The following CPNE8 variants were observed in gnomAD, a reference collection of about 807,000 sequenced individuals.
CPNE8 encodes copine-8.
Under a neutral mutation model 81.5 loss-of-function variants are expected in CPNE8, and 45 were observed. The ratio of observed to expected loss-of-function variants is 0.55; its 90% confidence interval spans 0.44 to 0.71. CPNE8 has a LOEUF of 0.71. Among genes scored for constraint, CPNE8 ranks in the 30% least tolerant of loss-of-function variants. The probability of loss-of-function intolerance (pLI) is 0.00; values close to 1 mark genes in which losing one functional copy is unlikely to be tolerated. For missense variants in CPNE8, 594 were observed against 672.1 expected, an observed-to-expected ratio of 0.88 and a Z score of 1.28; for synonymous variants, 252 against 226.3, an observed-to-expected ratio of 1.11 and a Z score of -1.02.
intron 6 of CPNE8, among the ~76,000 whole-genome samples, chr12:38,822,245 A>G (rs1319530139): frequency 2.6e-5 from 4 of 152,218 alleles, no homozygotes. Context: ...ATAAAACCCA[A>G]ACTAATGAAA....
At chr12:38,789,091 G>T (rs1180005950) in intron 6 of CPNE8, among the ~76,000 whole-genome samples, 2 of 151,542 alleles carry the variant, frequency 1.3e-5, no homozygotes, top group African/African-American at 2.4e-5. Context: ...CACATAAATA[G>T]GAAAAACAAT....
intron 19 of CPNE8, among the ~76,000 whole-genome samples, chr12:38,662,383 T>A (rs1324109429): frequency 2.0e-5 from 3 of 151,918 alleles, no homozygotes; most frequent in Admixed American, 6.6e-5. Flanking sequence ...GAAAAAGAAA[T>A]CAAGAAAGCA....
At chr12:38,722,642 T>A (rs545282864) in intron 13 of CPNE8, among the ~76,000 whole-genome samples, 1 of 152,184 alleles carries the variant, frequency 6.6e-6, no homozygotes, top group African/African-American at 2.4e-5. Flanking sequence ...CATTCAAATT[T>A]GCTTCACTCC....
chr12:38,891,699 G>A (rs1338334349), intron 1 of CPNE8, among the ~76,000 whole-genome samples: 4 of 152,070 alleles, frequency 2.6e-5, no homozygotes, highest in South Asian at 2.1e-4. Context: ...CGTCCGCCTC[G>A]GCCTCCCAAA....
At position 38,881,241 on chromosome 12, in the gene CPNE8, C is replaced by T. The variant is rs565595441; in HGVS notation, c.99-6730G>A. Among the ~76,000 whole-genome samples, 26 of 151,608 alleles carry T rather than the reference C, an allele frequency of 1.7e-4. 1 individual carries two copies. In the East Asian group the frequency reaches 4.8e-3, roughly 28 times the overall value. ...AAAAAAAAAAGAAATATTTTAAAAC[C>T]GAAACTTACTAAAAAGCCGAAGTCA... On this transcript the variant is annotated intron_variant, in intron 1 of 19. Transcript: ENST00000331366.
chr12:38,763,183 G>C (rs528058805), intron 8 of CPNE8, among the ~76,000 whole-genome samples: 1 of 152,180 alleles, frequency 6.6e-6, no homozygotes, highest in Non-Finnish European at 1.5e-5. Context: ...AAGCAGGTGA[G>C]AGTAGATGGG....
chr12:38,797,709 G>C (rs1055538492), intron 6 of CPNE8, among the ~76,000 whole-genome samples: 5 of 152,200 alleles, frequency 3.3e-5, no homozygotes, highest in African/African-American at 1.2e-4. Flanking sequence ...GAATGACTTT[G>C]ACGAGTAGAG....
chr12:38,795,862 T>G (rs989110435), intron 6 of CPNE8, among the ~76,000 whole-genome samples: 33 of 133,848 alleles, frequency 2.5e-4, no homozygotes, highest in Non-Finnish European at 4.8e-4. Flanking sequence ...GATAGATGGA[T>G]GGATGGATAG....
chr12:38,837,895 T>C (rs1396888620), intron 5 of CPNE8, among the ~76,000 whole-genome samples: 2 of 152,108 alleles, frequency 1.3e-5, no homozygotes, highest in Admixed American at 1.3e-4. Flanking sequence ...CTTATGAAAA[T>C]AAAAGTATTT....
At chr12:38,748,869 G>C (rs1592059025) in intron 10 of CPNE8, among the ~76,000 whole-genome samples, 1 of 151,714 alleles carries the variant, frequency 6.6e-6, no homozygotes, top group East Asian at 1.9e-4. Context: ...AACAGCATTG[G>C]GTAATATATA....
intron 10 of CPNE8, among the ~76,000 whole-genome samples, chr12:38,737,879 A>G (rs1370464091): frequency 2.0e-5 from 3 of 152,132 alleles, no homozygotes; most frequent in African/African-American, 7.2e-5. Flanking sequence ...CCCAGCGTGA[A>G]GTAGCAAAAG....
At chr12:38,839,286 G>T (rs1943431328) in intron 5 of CPNE8, among the ~76,000 whole-genome samples, 2 of 151,864 alleles carry the variant, frequency 1.3e-5, no homozygotes, top group Admixed American at 1.3e-4. Context: ...TTTCTGTCTA[G>T]CTCTGATGCC....
upstream of CPNE8, chr12:38,906,767 C>T: frequency 4.2e-6 from 1 of 237,172 alleles, no homozygotes; most frequent in Non-Finnish European, 6.8e-6. Context: ...CGAGCGCCTG[C>T]GGGTCCCGGG....
At chr12:38,683,384 A>C (rs752951978) in intron 16 of CPNE8, among the ~76,000 whole-genome samples, 1 of 152,160 alleles carries the variant, frequency 6.6e-6, no homozygotes, top group Non-Finnish European at 1.5e-5. Flanking sequence ...TGTTTTAGAC[A>C]TTTGTTGAAT....
intron 16 of CPNE8, among the ~76,000 whole-genome samples, chr12:38,682,907 T>C (rs1394447029): frequency 6.6e-6 from 1 of 152,162 alleles, no homozygotes; most frequent in Admixed American, 6.5e-5. Flanking sequence ...CTTAAATTTA[T>C]GACAAGGCAT....
At chr12:38,745,063 T>G (rs540049304) in intron 10 of CPNE8, among the ~76,000 whole-genome samples, 7 of 152,274 alleles carry the variant, frequency 4.6e-5, no homozygotes, top group African/African-American at 1.7e-4. Flanking sequence ...ATTCCAAAAT[T>G]TCAATGGGAT....
At chr12:38,829,276 A>T in intron 6 of CPNE8, 103 bp downstream of exon 6, 1 of 698,128 alleles carries the variant, frequency 1.4e-6, no homozygotes, top group Non-Finnish European at 2.5e-6. Flanking sequence ...ACAAGATTTT[A>T]AAACCCACTT....
chr12:38,795,009 T>C (rs1942423189), intron 6 of CPNE8, among the ~76,000 whole-genome samples: 1 of 152,236 alleles, frequency 6.6e-6, no homozygotes, highest in Non-Finnish European at 1.5e-5. Context: ...TCTCCTGTGC[T>C]GGATACTTCC....
chr12:38,905,611 G>A, upstream of CPNE8: 2 of 1,526,826 alleles, frequency 1.3e-6, no homozygotes, highest in Non-Finnish European at 1.8e-6. Context: ...CTCCCGTCAG[G>A]CGGGGATGGG....
Sources: allele counts gnomAD v4.1 joint callset (sites outside exome capture counted in the v4.1 genomes callset), GRCh38; gene constraint gnomAD v4.1.1; transcripts MANE v1.5; gene names NCBI Gene and HGNC (gene_info 2026-07-23, HGNC 2026-07-21).